The following GRIK3 variants were observed in gnomAD, a reference collection of about 807,000 sequenced individuals.
GRIK3 encodes the protein glutamate receptor ionotropic, kainate 3.
Under a neutral mutation model 102.5 loss-of-function variants are expected in GRIK3, and 29 were observed. That is an observed-to-expected ratio of 0.28 (90% CI 0.21 to 0.39). The LOEUF (loss-of-function observed/expected upper bound fraction) is 0.39. Among genes scored for constraint, GRIK3 ranks in the 10% least tolerant of loss-of-function variants. The pLI is 1.00. For missense variants in GRIK3, 908 were observed against 1,252.4 expected, an observed-to-expected ratio of 0.73 and a Z score of 4.15; for synonymous variants, 511 against 504.9, an observed-to-expected ratio of 1.01 and a Z score of -0.16.
rs1640969631 is a variant in GRIK3 at position 36,880,991 on chromosome 1, C to T, written c.293-100G>A. The T allele has an allele frequency of 3.1e-6, 4 of 1,303,720 alleles. No individual in the cohort carries two copies. The highest frequency in any genetic ancestry group is 4.2e-6 in the Non-Finnish European group (4 of 953,798). The allele number at this position is 1,303,720 out of a possible 1,614,324, so 80.8% of individuals were successfully genotyped here. On this transcript the variant is annotated intron_variant, in intron 2 of 15. Transcript: ENST00000373091. The surrounding 1 kb of genome is among the most constrained non-coding windows in gnomAD (Gnocchi z 5.4). ...TGTAAACATGTGGGAAAAACAGCAA[C>T]TGGAACCCTCGGTGGGTGCACAATG...
intron 10 of GRIK3, 112 bp from the exon 11 acceptor site, chr1:36,825,938 C>T (rs1273314349): frequency 2.7e-6 from 2 of 730,868 alleles, no homozygotes; most frequent in Non-Finnish European, 2.3e-6. Flanking sequence ...GTCCCAGCCC[C>T]AGGTCACTAA....
intron 1 of GRIK3, among the ~76,000 whole-genome samples, chr1:37,024,652 A>G (rs1642749144): frequency 6.7e-6 from 1 of 149,174 alleles, no homozygotes; most frequent in Admixed American, 6.7e-5. Flanking sequence ...CTGAGGCAGG[A>G]GAATTGCTTG....
At chr1:36,943,047 C>T (rs957298909) in intron 1 of GRIK3, among the ~76,000 whole-genome samples, 7 of 152,200 alleles carry the variant, frequency 4.6e-5, no homozygotes, top group Non-Finnish European at 7.3e-5. Context: ...ACCAGCATCC[C>T]TCCTGCACCC....
In GRIK3 at chr1:36,801,941, G is replaced by T; in HGVS notation, c.2670C>A (p.Ala890=). 10 of 1,614,122 alleles carry T rather than the reference G, an allele frequency of 6.2e-6. No individual in the cohort carries two copies. The highest frequency in any genetic ancestry group is 8.5e-6 in the Non-Finnish European group (10 of 1,180,002). The stretch of plus-strand genomic sequence containing the variant: ...CATTGAATGTGTGCATGTTGATGAC[G>T]GCGTCAGTCTTGACCATCATGGGAG... ...PQPPMMVKTD[A]VINMHTFNDR... is the part of the protein sequence containing the mutation. Residue 890 remains alanine, a synonymous_variant, in exon 16 of 16, where the codon GCC becomes GCA. Coordinates refer to ENST00000373091, the MANE Select transcript of GRIK3 (RefSeq NM_000831.4).
At chr1:36,971,273 C>A (rs952800542) in intron 1 of GRIK3, among the ~76,000 whole-genome samples, 5 of 152,178 alleles carry the variant, frequency 3.3e-5, no homozygotes, top group African/African-American at 1.2e-4. Flanking sequence ...CAAGTCCAGG[C>A]CAACTGGGAG....
At chr1:36,853,585 GC>G in intron 8 of GRIK3, 29 bp downstream of exon 8, 1 of 1,429,498 alleles carries the variant, frequency 7.0e-7, no homozygotes, top group Non-Finnish European at 9.9e-7. Flanking sequence ...CTGCTCCTCC[GC>G]CTGCCCTCCC....
At chr1:36,884,167 G>C (rs911788447) in intron 2 of GRIK3, among the ~76,000 whole-genome samples, 3 of 152,206 alleles carry the variant, frequency 2.0e-5, no homozygotes, top group African/African-American at 7.2e-5. Context: ...TGCTTCTGTA[G>C]TTCTGGGACT....
At chr1:37,015,620 C>G (rs924094217) in intron 1 of GRIK3, among the ~76,000 whole-genome samples, 2 of 152,154 alleles carry the variant, frequency 1.3e-5, no homozygotes, top group Non-Finnish European at 2.9e-5. Context: ...GCCACAGGGG[C>G]CCCCAGGTCC....
intron 1 of GRIK3, among the ~76,000 whole-genome samples, chr1:36,956,221 C>A (rs1410392446): frequency 2.6e-5 from 4 of 152,192 alleles, no homozygotes; most frequent in African/African-American, 9.7e-5. Context: ...GGAAGAGGCC[C>A]TTGGAAGACA....
chr1:36,915,657 A>G (rs987275195), intron 1 of GRIK3, among the ~76,000 whole-genome samples: 10 of 152,118 alleles, frequency 6.6e-5, no homozygotes, highest in African/African-American at 2.4e-4. Context: ...ATGGTTGTGA[A>G]TAAGTCTCAC....
intron 1 of GRIK3, among the ~76,000 whole-genome samples, chr1:36,989,204 A>G (rs1403230591): frequency 6.6e-6 from 1 of 152,048 alleles, no homozygotes; most frequent in East Asian, 1.9e-4. Flanking sequence ...CCACACACAC[A>G]CGCATGCACA....
At chr1:36,871,524 T>C (rs1640843575) in intron 4 of GRIK3, among the ~76,000 whole-genome samples, 1 of 152,246 alleles carries the variant, frequency 6.6e-6, no homozygotes, top group Non-Finnish European at 1.5e-5. Context: ...TGGTTTCCGC[T>C]GTGGCACCCT....
In GRIK3 at chr1:36,954,075, G is replaced by C. The variant is rs116709792; in HGVS notation, c.116-62979C>G. Reference sequence around the variant, plus strand: ...AGGAAAGGGATCTACTAGGTGCAAGGGGTCAAGGGGGACGAAGGGCATCCT... The same window carrying C: ...AGGAAAGGGATCTACTAGGTGCAAGCGGTCAAGGGGGACGAAGGGCATCCT... On this transcript the variant is annotated intron_variant, in intron 1 of 15. Coordinates refer to ENST00000373091, the MANE Select transcript of GRIK3 (RefSeq NM_000831.4). Among the ~76,000 whole-genome samples, 761 of 152,324 alleles carry C rather than the reference G, an allele frequency of 5.0e-3. 8 individuals carry two copies. The highest frequency in any genetic ancestry group is 0.017 in the African/African-American group (721 of 41,570).
chr1:36,990,271 C>T (rs1009205584), intron 1 of GRIK3, among the ~76,000 whole-genome samples: 8 of 152,194 alleles, frequency 5.3e-5, no homozygotes, highest in African/African-American at 1.7e-4. Flanking sequence ...CGACTGGGCA[C>T]CTCCTGTCCT....
intron 1 of GRIK3, among the ~76,000 whole-genome samples, chr1:36,917,149 C>T (rs548643823): frequency 6.6e-6 from 1 of 152,304 alleles, no homozygotes; most frequent in South Asian, 2.1e-4. Context: ...GATTTGAGTG[C>T]CCTGCTGGAT....
intron 1 of GRIK3, among the ~76,000 whole-genome samples, chr1:36,935,682 A>G (rs1641648549): frequency 6.6e-6 from 1 of 152,246 alleles, no homozygotes; most frequent in South Asian, 2.1e-4. Context: ...CAAGTCGGAA[A>G]TGATCCAAAT....
intron 9 of GRIK3, among the ~76,000 whole-genome samples, chr1:36,849,357 A>G (rs1640555068): frequency 6.6e-6 from 1 of 152,164 alleles, no homozygotes; most frequent in African/African-American, 2.4e-5. Flanking sequence ...GTTCTGCTCC[A>G]AGGCAGCCTC....
intron 1 of GRIK3, among the ~76,000 whole-genome samples, chr1:36,913,117 T>C (rs1055534618): frequency 6.6e-6 from 1 of 152,180 alleles, no homozygotes; most frequent in African/African-American, 2.4e-5. Flanking sequence ...GCCATGTGCC[T>C]GGCATGAGTA....
intron 1 of GRIK3, among the ~76,000 whole-genome samples, chr1:36,909,782 C>A (rs1180204820): frequency 6.6e-6 from 1 of 152,180 alleles, no homozygotes; most frequent in Non-Finnish European, 1.5e-5. Flanking sequence ...AGGGGTAGAA[C>A]TGGCTGTGTC....
Sources: allele counts gnomAD v4.1 joint callset (sites outside exome capture counted in the v4.1 genomes callset), GRCh38; gene constraint gnomAD v4.1.1; non-coding constraint Gnocchi (gnomAD v3.1); transcripts MANE v1.5; gene names NCBI Gene and HGNC (gene_info 2026-07-23, HGNC 2026-07-21).